Variants in SKOR1 observed in about 807,000 individuals in gnomAD.
The protein encoded by SKOR1 is LBX1 corepressor 1.
A neutral mutation model predicts 72.4 loss-of-function variants in SKOR1; 38 were observed. The ratio of observed to expected loss-of-function variants is 0.52; its 90% CI spans 0.40 to 0.69. The LOEUF (loss-of-function observed/expected upper bound fraction) is 0.69. Among genes scored for constraint, SKOR1 ranks in the 30% least tolerant of loss-of-function variants. The pLI is 0.00. For missense variants in SKOR1, 1,320 were observed against 1,343.2 expected (o/e 0.98, Z 0.27); for synonymous variants, 642 against 599.4 (o/e 1.07, Z -1.04).
At position 67,828,154 on chromosome 15, in the gene SKOR1, G is replaced by T. The variant is rs558061270; in HGVS notation, c.2316+10G>T. On this transcript the variant is annotated intron_variant, in intron 2 of 8. Coordinates refer to ENST00000380035, the MANE Select transcript of SKOR1 (RefSeq NM_001365915.1). ...CCCCGCGCCGGCCAAGGTGAGCCCC[G>T]CGCCCGCCCCGCCAGTGGCGCCTTC... 199 of 1,428,280 alleles carry T rather than the reference G, an allele frequency of 1.4e-4. No homozygotes were observed. In the East Asian group the frequency reaches 5.6e-3, roughly 40 times the overall value. The allele number at this position is 1,428,280 out of a possible 1,614,324, so 88.5% of individuals were successfully genotyped here.
chr15:67,832,529 A>G lies in SKOR1; in HGVS notation c.2663-78A>G. 7.1e-7 allele frequency: 1 copy of G among 1,412,234 alleles called. No individual in the cohort carries two copies. The allele number at this position is 1,412,234 out of a possible 1,614,324, so 87.5% of individuals were successfully genotyped here. On this transcript the variant is annotated intron_variant, in intron 6 of 8. Transcript: ENST00000380035. The surrounding 1 kb of genome is among the most constrained non-coding windows in gnomAD (Gnocchi z 4.5). ...GGTGGGAGTTGGGGGTAGGGGTGAA[A>G]GGGGGGGCCAGGAGTGAGAAAGTGG... is the stretch of plus-strand genomic sequence containing the variant.
chr15:67,833,845 T>G lies in SKOR1; in HGVS notation c.*9T>G, dbSNP rs745376967. The stretch of plus-strand genomic sequence containing the variant: ...CACCGCTGTTGCCCTAGGGCCGGCC[T>G]GGCCGCACCCCTGCGCCCTCAAGCC... On this transcript the variant is annotated 3_prime_UTR_variant, in exon 9 of 9. Transcript: ENST00000380035. This position sits in a 1 kb window ranked among gnomAD's most constrained non-coding sequence, Gnocchi z 6.0. 1.2e-6 allele frequency: 2 copies of G among 1,606,958 alleles called. No individual in the cohort carries two copies. Among genetic ancestry groups the G allele is most frequent in the East Asian group, 4.5e-5 (2 of 44,876 alleles).
Position 67,825,977 on chromosome 15 carries a change from G to C in SKOR1, c.149G>C (p.Gly50Ala), listed in dbSNP as rs2141364871. 1 of 1,526,620 alleles carries C rather than the reference G, an allele frequency of 6.6e-7. No homozygotes were observed. The highest frequency in any genetic ancestry group is 8.8e-7 in the Non-Finnish European group (1 of 1,137,614). 94.6% of individuals were successfully genotyped at this position (1,526,620 alleles called of 1,614,324 possible). A position where few individuals can be genotyped will look rare whatever the true frequency, so the allele number is the denominator to read the frequency against. The change falls in exon 2 of 9, where the codon GGG (glycine) becomes GCG (alanine). Residue 50 changes from glycine (G) to alanine (A), a missense_variant. Transcript: ENST00000380035. This position sits in a 1 kb window ranked among gnomAD's most constrained non-coding sequence, Gnocchi z 5.6. ...GCTCTCACCACTCAGCTGGGGCCGG[G>C]GCGCGAGGGCAGTTCCTCGCCCAAC... ...MEALTTQLGP[G>A]REGSSSPNSK...
At position 67,832,636 on chromosome 15, in the gene SKOR1, T is replaced by A; in HGVS notation, c.2692T>A (p.Leu898Met). Residue 898 changes from leucine to methionine, a missense_variant, in exon 7 of 9, where the codon TTG (leucine) becomes ATG (methionine). Around this residue, in one of 3 missense-constraint regions of SKOR1, gnomAD observed 1,099 missense variants for 1,025.5 expected, o/e 1.07. Transcript: ENST00000380035. This position sits in a 1 kb window ranked among gnomAD's most constrained non-coding sequence, Gnocchi z 4.5. The part of the protein sequence containing the change: ...DNFQDQMKRE[L>M]AYREEMVQQL... ...TTTTCAGGATCAAATGAAGAGGGAA[T>A]TGGCTTATCGAGAAGAAATGGTGCA... The A allele has an allele frequency of 3.1e-6, 5 of 1,613,938 alleles. No individual in the cohort carries two copies. The highest frequency in any genetic ancestry group is 4.2e-6 in the Non-Finnish European group (5 of 1,179,954).
In SKOR1 at chr15:67,827,385, G is replaced by GGCA. The variant is rs2090970076; in HGVS notation, c.1560_1562dup (p.Ala528dup). 1 of 1,550,638 alleles carries GGCA rather than the reference G, an allele frequency of 6.4e-7. No individual in the cohort carries two copies. Among genetic ancestry groups the GGCA allele is most frequent in the African/African-American group, 1.4e-5 (1 of 71,244 alleles). On this transcript the variant is annotated inframe_insertion, in exon 2 of 9. Transcript: ENST00000380035. ...AGGCCGTGGCGGCAGCCGTGGCGGC[G>GGCA]GCAGCGGCGGCGGCAGCGGCAGCTG...
Position 67,827,933 on chromosome 15 carries a change from C to T in SKOR1, c.2105C>T (p.Ser702Phe). ...EQPTGPPSAT[S>F]SGADGPANSP... ...CCCACTGGACCCCCTTCCGCCACCT[C>T]CTCTGGCGCGGACGGTCCCGCAAAC... The change falls in exon 2 of 9, where the codon TCC becomes TTC. Residue 702 changes from serine (S) to phenylalanine (F), a missense_variant. Physicochemically the swap from Ser to Phe is radical, Grantham distance 155 (BLOSUM62 -2). Transcript: ENST00000380035. 6.3e-7 allele frequency: 1 copy of T among 1,581,716 alleles called. No homozygotes were observed. Among genetic ancestry groups the T allele is most frequent in the Non-Finnish European group, 8.6e-7 (1 of 1,165,220 alleles).
rs2090997918 is a variant in SKOR1, at chr15:67,830,199, A to G, written c.2416A>G (p.Lys806Glu). The change falls in exon 4 of 9, where the codon AAG becomes GAG. Residue 806 changes from lysine to glutamate, a missense_variant. Coordinates refer to ENST00000380035, the MANE Select transcript of SKOR1 (RefSeq NM_001365915.1). ...GGTTTGTTGCCTTCAAGAGCCAGAT[A>G]AGGAAGACAATCACTCGCCCGCCGA... is the stretch of plus-strand genomic sequence containing the variant. ...VCTPEAHEPD[K>E]EDNHSPADDL... The G allele has an allele frequency of 6.2e-7, 1 of 1,614,016 alleles. No individual in the cohort carries two copies. Among genetic ancestry groups the G allele is most frequent in the Non-Finnish European group, 8.5e-7 (1 of 1,180,016 alleles).
At position 67,832,352 on chromosome 15, in the gene SKOR1, C is replaced by A. The variant is rs1437027083; in HGVS notation, c.2662+4C>A. ...CGGGAATTTCAGAGTCTCAAAGGTA[C>A]CCACTGCCATCCTGCCTCACCCCAC... On this transcript the variant is annotated splice_donor_region_variant and intron_variant, in intron 6 of 8. Transcript: ENST00000380035. The surrounding 1 kb of genome is among the most constrained non-coding windows in gnomAD (Gnocchi z 4.5). 1 of 1,613,982 alleles carries A rather than the reference C, an allele frequency of 6.2e-7. No homozygotes were observed. The highest frequency in any genetic ancestry group is 1.7e-5 in the Admixed American group (1 of 60,024).
At position 67,827,924 on chromosome 15, in the gene SKOR1, C is replaced by G. The variant is rs1210562014; in HGVS notation, c.2096C>G (p.Ser699Cys). Residue 699 changes from serine (S) to cysteine (C), a missense_variant, in exon 2 of 9, where the codon TCC (serine) becomes TGC (cysteine). Coordinates refer to ENST00000380035, the MANE Select transcript of SKOR1 (RefSeq NM_001365915.1). Reference sequence around the variant, plus strand: ...GGTGAACAGCCCACTGGACCCCCTTCCGCCACCTCCTCTGGCGCGGACGGT... The same window carrying G: ...GGTGAACAGCCCACTGGACCCCCTTGCGCCACCTCCTCTGGCGCGGACGGT... ...PDGEQPTGPPSATSSGADGPA... is the reference protein window; with the variant it reads ...PDGEQPTGPPCATSSGADGPA... 5 of 1,588,242 alleles carry G rather than the reference C, an allele frequency of 3.1e-6. No individual in the cohort carries two copies. The Admixed American group carries it at 8.9e-5, about 28-fold the overall frequency.
Position 67,833,969 on chromosome 15 carries a change from C to T in SKOR1, c.*133C>T. 1 of 1,016,164 alleles carries T rather than the reference C, an allele frequency of 9.8e-7. No individual in the cohort carries two copies. 62.9% of individuals were successfully genotyped at this position (1,016,164 alleles called of 1,614,324 possible). On this transcript the variant is annotated 3_prime_UTR_variant, in exon 9 of 9. Transcript: ENST00000380035. The surrounding 1 kb of genome is among the most constrained non-coding windows in gnomAD (Gnocchi z 6.0). ...TAAATACAGCCGCCCGTCCGCCCGC[C>T]TTCCTCCCGGGCTCCCCGGCCTTGC...
chr15:67,828,217 C>A, intron 2 of SKOR1, 73 bp downstream of exon 2: 2 of 1,359,576 alleles, frequency 1.5e-6, no homozygotes, highest in East Asian at 3.0e-5. Flanking sequence ...CGGGGCCGGG[C>A]GGAGAACGGG....
At position 67,832,786 on chromosome 15, in the gene SKOR1, T is replaced by C; in HGVS notation, c.2737+105T>C. ...ATTTGGATTTAAATTGAAGGTAATT[T>C]AACAATTATTTTTTTATTTAATATG... On this transcript the variant is annotated intron_variant, in intron 7 of 8. Transcript: ENST00000380035. The surrounding 1 kb of genome is among the most constrained non-coding windows in gnomAD (Gnocchi z 4.5). 1.1e-6 allele frequency: 1 copy of C among 948,050 alleles called. No homozygotes were observed. The highest frequency in any genetic ancestry group is 2.6e-5 in the East Asian group (1 of 38,638). 58.7% of individuals were successfully genotyped at this position (948,050 alleles called of 1,614,324 possible). A position where few individuals can be genotyped will look rare whatever the true frequency, so the allele number is the denominator to read the frequency against.
rs534791541 is a variant in SKOR1 at position 67,833,101 on chromosome 15, G to A, written c.2738-91G>A. ...TGGAGTTGTTTCTGCGCGGAGCTTA[G>A]CCCTGGGGAGAGGAGGAAGCCCGGG... On this transcript the variant is annotated intron_variant, in intron 7 of 8. Coordinates refer to ENST00000380035, the MANE Select transcript of SKOR1 (RefSeq NM_001365915.1). The surrounding 1 kb of genome is among the most constrained non-coding windows in gnomAD (Gnocchi z 6.0). 5.1e-5 allele frequency: 70 copies of A among 1,377,180 alleles called. No homozygotes were observed. The East Asian group carries it at 1.6e-3, about 31-fold the overall frequency. The allele number at this position is 1,377,180 out of a possible 1,614,324, so 85.3% of individuals were successfully genotyped here. A position where few individuals can be genotyped will look rare whatever the true frequency, so the allele number is the denominator to read the frequency against.
intron 2 of SKOR1, among the ~76,000 whole-genome samples, chr15:67,828,396 G>T (rs1199092906): frequency 6.6e-6 from 1 of 152,224 alleles, no homozygotes; most frequent in Admixed American, 6.5e-5. Context: ...CTTTGTTTTT[G>T]TTGATGGGAA....
rs2091023775 is a variant in SKOR1, at chr15:67,833,389, G to A, written c.2803+132G>A. Reference sequence around the variant, plus strand: ...ATCAGGATCTGTGAGGGAGAAAAGTGGGAACTGATTTTAACGGGAAGATTA... The same window carrying A: ...ATCAGGATCTGTGAGGGAGAAAAGTAGGAACTGATTTTAACGGGAAGATTA... On this transcript the variant is annotated intron_variant, in intron 8 of 8. Coordinates refer to ENST00000380035, the MANE Select transcript of SKOR1 (RefSeq NM_001365915.1). The surrounding 1 kb of genome is among the most constrained non-coding windows in gnomAD (Gnocchi z 6.0). 1.0e-6 allele frequency: 1 copy of A among 977,160 alleles called. No individual in the cohort carries two copies. Among genetic ancestry groups the A allele is most frequent in the Non-Finnish European group, 1.6e-6 (1 of 622,600 alleles). 60.5% of individuals were successfully genotyped at this position (977,160 alleles called of 1,614,324 possible). A position where few individuals can be genotyped will look rare whatever the true frequency, so the allele number is the denominator to read the frequency against.
At position 67,833,313 on chromosome 15, in the gene SKOR1, G is replaced by A. The variant is rs981404138; in HGVS notation, c.2803+56G>A. ...GGTGCTGGGTGCCGGCCGTGCTGTC[G>A]ACTGAATGAATGAATAGTGGGACTA... On this transcript the variant is annotated intron_variant, in intron 8 of 8. Coordinates refer to ENST00000380035, the MANE Select transcript of SKOR1 (RefSeq NM_001365915.1). The surrounding 1 kb of genome is among the most constrained non-coding windows in gnomAD (Gnocchi z 6.0). 6.4e-6 allele frequency: 10 copies of A among 1,567,764 alleles called. No homozygotes were observed. The highest frequency in any genetic ancestry group is 1.1e-5 in the South Asian group (1 of 89,398).
intron 2 of SKOR1, among the ~76,000 whole-genome samples, chr15:67,828,828 G>A (rs2090986034): frequency 6.6e-6 from 1 of 152,200 alleles, no homozygotes; most frequent in African/African-American, 2.4e-5. Flanking sequence ...ATTAAAACAC[G>A]AATCATTAAC....
At position 67,827,941 on chromosome 15, in the gene SKOR1, G is replaced by A. The variant is rs757856127; in HGVS notation, c.2113G>A (p.Ala705Thr). 2.5e-6 allele frequency: 4 copies of A among 1,575,484 alleles called. No homozygotes were observed. The highest frequency in any genetic ancestry group is 3.4e-6 in the Non-Finnish European group (4 of 1,162,224). ...ACCCCCTTCCGCCACCTCCTCTGGC[G>A]CGGACGGTCCCGCAAACTCTCCCGA... is the stretch of plus-strand genomic sequence containing the variant. ...TGPPSATSSG[A>T]DGPANSPDGG... is the part of the protein sequence containing the mutation. The change falls in exon 2 of 9, where the codon GCG becomes ACG. Residue 705 changes from alanine to threonine, a missense_variant. Physicochemically the swap from Ala to Thr is moderately conservative, Grantham distance 58 (BLOSUM62 0). Around this residue, in one of 3 missense-constraint regions of SKOR1, gnomAD observed 1,099 missense variants for 1,025.5 expected, o/e 1.07. Coordinates refer to ENST00000380035, the MANE Select transcript of SKOR1 (RefSeq NM_001365915.1).
intron 5 of SKOR1, among the ~76,000 whole-genome samples, chr15:67,831,545 T>C (rs1461629140): frequency 1.3e-5 from 2 of 152,264 alleles, no homozygotes; most frequent in Admixed American, 1.3e-4. Context: ...CAGATACCAA[T>C]GACCTCATGG....
Sources: allele counts gnomAD v4.1 joint callset (sites outside exome capture counted in the v4.1 genomes callset), GRCh38; gene constraint gnomAD v4.1.1; regional missense constraint gnomAD v4.1.1; non-coding constraint Gnocchi (gnomAD v3.1); transcripts MANE v1.5; gene names NCBI Gene and HGNC (gene_info 2026-07-23, HGNC 2026-07-21).